LRP1B: variants seen among roughly 807,000 people sequenced by gnomAD.
LRP1B encodes the protein low-density lipoprotein receptor-related protein 1B.
LRP1B carries 217 observed loss-of-function variants against 556.6 expected under a neutral mutation model. The ratio of observed to expected loss-of-function variants is 0.39; its 90% confidence interval spans 0.35 to 0.44. The LOEUF is 0.44. LRP1B is among the 20% of genes least tolerant of loss of function. The probability of loss-of-function intolerance (pLI) is 1.00; values close to 1 mark genes in which losing one functional copy is unlikely to be tolerated. For synonymous variants in LRP1B, 2,047 were observed against 1,865.8 expected (o/e 1.10, Z -2.50); for missense variants, 5,053 against 5,620.8 (o/e 0.90, Z 3.23).
At chr2:141,583,898 C>A (rs1372893817) in intron 2 of LRP1B, among the ~76,000 whole-genome samples, 1 of 143,750 alleles carries the variant, frequency 7.0e-6, no homozygotes, top group Non-Finnish European at 1.5e-5. Context: ...CACCACCATG[C>A]CCGGCTAATT....
chr2:141,417,992 TC>T (rs1402367658), intron 3 of LRP1B, among the ~76,000 whole-genome samples: 1 of 152,176 alleles, frequency 6.6e-6, no homozygotes, highest in African/African-American at 2.4e-5. Context: ...ATATTGTACA[TC>T]TTTTCATAAC....
At chr2:141,461,824 T>C (rs1681883687) in intron 3 of LRP1B, among the ~76,000 whole-genome samples, 2 of 152,244 alleles carry the variant, frequency 1.3e-5, no homozygotes, top group Admixed American at 6.5e-5. Flanking sequence ...GTTTTCATCA[T>C]CTAACCACAA....
chr2:141,925,560 C>T (rs954975873), intron 1 of LRP1B, among the ~76,000 whole-genome samples: 3 of 152,202 alleles, frequency 2.0e-5, no homozygotes, highest in Non-Finnish European at 4.4e-5. Flanking sequence ...CTGATTCTTA[C>T]TGTCTAGGCC....
chr2:141,874,412 GT>G (rs1451634402), intron 1 of LRP1B, among the ~76,000 whole-genome samples: 4 of 127,360 alleles, frequency 3.1e-5, no homozygotes, highest in African/African-American at 1.2e-4. Flanking sequence ...AAATAAGATG[GT>G]ATATACAATT....
intron 61 of LRP1B, among the ~76,000 whole-genome samples, chr2:140,457,027 A>C (rs1355757372): frequency 6.6e-6 from 1 of 152,194 alleles, no homozygotes. Context: ...TCAAACCTTT[A>C]TTTCACAAGG....
intron 75 of LRP1B, 25 bp from the exon 76 acceptor site, chr2:140,353,097 C>T: frequency 6.2e-7 from 1 of 1,611,216 alleles, no homozygotes; most frequent in Non-Finnish European, 8.5e-7. Flanking sequence ...CTCAAAATAG[C>T]ATCATCATAC....
At chr2:141,061,782 T>C (rs987897224) in intron 8 of LRP1B, among the ~76,000 whole-genome samples, 8 of 151,920 alleles carry the variant, frequency 5.3e-5, no homozygotes, top group African/African-American at 1.9e-4. Flanking sequence ...CTTGCGAATA[T>C]AGCATTTTTG....
intron 6 of LRP1B, among the ~76,000 whole-genome samples, chr2:141,192,474 A>G (rs1374069530): frequency 6.6e-6 from 1 of 151,938 alleles, no homozygotes; most frequent in Non-Finnish European, 1.5e-5. Context: ...AATGAAAATA[A>G]CCATAATCAT....
intron 47 of LRP1B, among the ~76,000 whole-genome samples, chr2:140,529,534 G>C (rs1030839742): frequency 2.0e-5 from 3 of 151,774 alleles, no homozygotes; most frequent in African/African-American, 7.3e-5. Flanking sequence ...GGTTCTAAGG[G>C]TGCACAAATC....
chr2:140,575,446 G>T (rs1352222142), intron 43 of LRP1B, among the ~76,000 whole-genome samples: 1 of 152,140 alleles, frequency 6.6e-6, no homozygotes, highest in African/African-American at 2.4e-5. Flanking sequence ...TATTATTCAT[G>T]TAAGGTATGT....
intron 1 of LRP1B, among the ~76,000 whole-genome samples, chr2:141,903,359 C>T (rs1399528169): frequency 6.6e-6 from 1 of 151,880 alleles, no homozygotes; most frequent in Non-Finnish European, 1.5e-5. Flanking sequence ...GGATTCTGGG[C>T]TTCCAGCTCT....
chr2:141,910,705 GA>G lies in LRP1B; in HGVS notation c.83-100305del, dbSNP rs1443679435. ...ATTATACCTTGGGATTGCTAAGTGA[GA>G]AGTGAAACACACCAGTTTTTCTATA... On this transcript the variant is annotated intron_variant, in intron 1 of 90. Transcript: ENST00000389484. Among the ~76,000 whole-genome samples, 16 of 152,138 alleles carry G rather than the reference GA, an allele frequency of 1.1e-4. No individual in the cohort carries two copies. The South Asian group carries it at 3.3e-3, about 32-fold the overall frequency.
At chr2:141,228,385 G>A (rs1396379636) in intron 6 of LRP1B, among the ~76,000 whole-genome samples, 1 of 151,556 alleles carries the variant, frequency 6.6e-6, no homozygotes, top group African/African-American at 2.4e-5. Context: ...GAGAATATGT[G>A]TGCATCTCTG....
At chr2:141,028,006 A>T (rs955908316) in intron 11 of LRP1B, among the ~76,000 whole-genome samples, 1 of 152,078 alleles carries the variant, frequency 6.6e-6, no homozygotes, top group Non-Finnish European at 1.5e-5. Context: ...CACCCAGTCT[A>T]TGGTACTTTT....
intron 60 of LRP1B, among the ~76,000 whole-genome samples, chr2:140,462,290 C>A (rs1309633920): frequency 6.6e-6 from 1 of 152,132 alleles, no homozygotes; most frequent in Non-Finnish European, 1.5e-5. Context: ...TAATCCCTTC[C>A]AATCTCTTTT....
At chr2:141,725,094 A>G (rs540099299) in intron 2 of LRP1B, among the ~76,000 whole-genome samples, 1 of 152,068 alleles carries the variant, frequency 6.6e-6, no homozygotes, top group African/African-American at 2.4e-5. Context: ...CAAGTATCAC[A>G]TAGTTCATTC....
intron 83 of LRP1B, among the ~76,000 whole-genome samples, chr2:140,309,452 C>CGTAA (rs746603316): frequency 7.2e-5 from 11 of 151,736 alleles, no homozygotes; most frequent in Non-Finnish European, 1.6e-4. Context: ...CCCAGAGAGC[C>CGTAA]GTAAGATTGA....
chr2:141,891,326 G>A (rs1699284828), intron 1 of LRP1B, among the ~76,000 whole-genome samples: 1 of 152,100 alleles, frequency 6.6e-6, no homozygotes, highest in African/African-American at 2.4e-5. Flanking sequence ...TAAGAATAAT[G>A]TGCATTAAGC....
At chr2:140,592,749 T>C (rs1682278077) in intron 43 of LRP1B, among the ~76,000 whole-genome samples, 1 of 152,150 alleles carries the variant, frequency 6.6e-6, no homozygotes, top group African/African-American at 2.4e-5. Context: ...ATTTTAAAAG[T>C]AGAAAGATAG....
Sources: allele counts gnomAD v4.1 joint callset (sites outside exome capture counted in the v4.1 genomes callset), GRCh38; gene constraint gnomAD v4.1.1; transcripts MANE v1.5; gene names NCBI Gene and HGNC (gene_info 2026-07-23, HGNC 2026-07-21).